ALKBH8: variants seen among roughly 807,000 people sequenced by gnomAD.
ALKBH8 encodes the protein tRNA (carboxymethyluridine(34)-5-O)-methyltransferase ALKBH8.
A neutral mutation model predicts 59.8 loss-of-function variants in ALKBH8; 36 were observed. That is an observed-to-expected ratio of 0.60 (90% CI 0.46 to 0.79). The LOEUF (loss-of-function observed/expected upper bound fraction) is 0.79, where lower values mean the gene tolerates loss of function less well. Among genes scored for constraint, ALKBH8 ranks in the 30% least tolerant of loss-of-function variants. The pLI is 0.00. For missense variants in ALKBH8, 768 were observed against 801.0 expected (o/e 0.96, Z 0.50); for synonymous variants, 276 against 273.6 (o/e 1.01, Z -0.09).
intron 9 of ALKBH8, 141 bp downstream of exon 9, chr11:107,525,300 T>C: frequency 1.5e-6 from 1 of 661,354 alleles, no homozygotes; most frequent in Non-Finnish European, 2.3e-6. Context: ...GAAAAGTGCA[T>C]GAAAGTGCAA....
At chr11:107,558,785 T>C (rs1864815798) in intron 2 of ALKBH8, among the ~76,000 whole-genome samples, 1 of 152,232 alleles carries the variant, frequency 6.6e-6, no homozygotes, top group Non-Finnish European at 1.5e-5. Context: ...ATTTTCTAAA[T>C]AAGGAGGAGT....
chr11:107,558,383 A>T (rs543100377), intron 2 of ALKBH8, among the ~76,000 whole-genome samples: 79 of 152,250 alleles, frequency 5.2e-4, no homozygotes, highest in Non-Finnish European at 6.2e-4. Context: ...GGAGTCTCAG[A>T]TGGCTTGCCC....
At chr11:107,526,457 TGTTA>T (rs1400815091) in intron 8 of ALKBH8, among the ~76,000 whole-genome samples, 1 of 151,974 alleles carries the variant, frequency 6.6e-6, no homozygotes, top group Admixed American at 6.6e-5. Context: ...CCCAATTCCT[TGTTA>T]GATACAGATA....
chr11:107,527,428 G>A (rs552596717), intron 8 of ALKBH8, among the ~76,000 whole-genome samples: 1 of 151,984 alleles, frequency 6.6e-6, no homozygotes, highest in Admixed American at 6.5e-5. Context: ...GAGAAACGTC[G>A]ACCTAAGATG....
At position 107,529,735 on chromosome 11, in the gene ALKBH8, C is replaced by T. The variant is rs111965299; in HGVS notation, c.878+2565G>A. 5.1e-3 allele frequency among the ~76,000 whole-genome samples: 780 copies of T among 152,016 alleles called. 5 individuals are homozygous for T. The highest frequency in any genetic ancestry group is 0.018 in the African/African-American group (738 of 41,336). The stretch of plus-strand genomic sequence containing the variant: ...GGCCAGTCTGGTCTCGGACTCCTGA[C>T]CTGTGATCCACCCGCCTTGGCCTCC... On this transcript the variant is annotated intron_variant, in intron 8 of 11. Coordinates refer to ENST00000428149, the MANE Select transcript of ALKBH8 (RefSeq NM_138775.3).
chr11:107,556,811 C>T lies in ALKBH8; in HGVS notation c.322G>A (p.Asp108Asn). 6.8e-7 allele frequency: 1 copy of T among 1,466,704 alleles called. No homozygotes were observed. Among genetic ancestry groups the T allele is most frequent in the African/African-American group, 1.4e-5 (1 of 69,066 alleles). 90.9% of individuals were successfully genotyped at this position (1,466,704 alleles called of 1,614,324 possible). A position where few individuals can be genotyped will look rare whatever the true frequency, so the allele number is the denominator to read the frequency against. ...TACAGAGTGATCTTTTGTCCTAAAT[C>T]ATCCACTACTTCTTTTCCATTGAGG... ...VTLNGKEVVD[D>N]LGQKITLYLN... The change falls in exon 3 of 12, where the codon GAT becomes AAT. Residue 108 changes from aspartate (D) to asparagine (N), a missense_variant. Asp to Asn is a conservative substitution (Grantham distance 23). Coordinates refer to ENST00000428149, the MANE Select transcript of ALKBH8 (RefSeq NM_138775.3).
intron 7 of ALKBH8, among the ~76,000 whole-genome samples, chr11:107,542,058 A>G (rs1334864736): frequency 1.3e-5 from 2 of 152,144 alleles, no homozygotes; most frequent in Non-Finnish European, 2.9e-5. Flanking sequence ...GCATGGAGAG[A>G]CAAAAGATAG....
chr11:107,530,984 T>C (rs1462988151), intron 8 of ALKBH8, among the ~76,000 whole-genome samples: 1 of 152,168 alleles, frequency 6.6e-6, no homozygotes, highest in Non-Finnish European at 1.5e-5. Context: ...GTTTAAACAT[T>C]AGTGATAGCA....
chr11:107,517,078 G>A (rs543548625), intron 10 of ALKBH8, among the ~76,000 whole-genome samples: 2 of 151,998 alleles, frequency 1.3e-5, no homozygotes, highest in Admixed American at 1.3e-4. Context: ...AGAACTCAAA[G>A]AACTGTATGG....
chr11:107,520,736 A>G (rs2135496544), intron 10 of ALKBH8, among the ~76,000 whole-genome samples: 1 of 152,294 alleles, frequency 6.6e-6, no homozygotes, highest in East Asian at 1.9e-4. Context: ...CATGGTAACA[A>G]TATATGAATA....
chr11:107,512,822 T>C (rs775828837), intron 10 of ALKBH8, among the ~76,000 whole-genome samples: 6 of 152,218 alleles, frequency 3.9e-5, no homozygotes, highest in Admixed American at 2.0e-4. Flanking sequence ...TGAATGCTCA[T>C]ATCAAAACAT....
intron 7 of ALKBH8, among the ~76,000 whole-genome samples, chr11:107,544,739 A>T (rs551409161): frequency 6.6e-6 from 1 of 151,936 alleles, no homozygotes; most frequent in East Asian, 1.9e-4. Context: ...CCCACATGAG[A>T]ATTACACTCT....
chr11:107,504,960 C>T lies in ALKBH8; in HGVS notation c.1693G>A (p.Glu565Lys), dbSNP rs537250015. Reference sequence around the variant, plus strand: ...ACTTGCCTTGAATTACATCCTCCTTCCTGAGAGTCATTAATGCGGGGGACA... The same window carrying T: ...ACTTGCCTTGAATTACATCCTCCTTTCTGAGAGTCATTAATGCGGGGGACA... ...SSVPRINDSQ[E>K]GGCNSRQVSN... The change falls in exon 12 of 12, where the codon GAA (glutamate) becomes AAA (lysine). Residue 565 changes from glutamate to lysine, a missense_variant. Glu to Lys is a moderately conservative substitution (Grantham distance 56). Transcript: ENST00000428149. The T allele has an allele frequency of 1.6e-5, 25 of 1,551,848 alleles. No individual in the cohort carries two copies. The African/African-American group carries it at 2.9e-4, about 18-fold the overall frequency.
Position 107,504,828 on chromosome 11 carries a change from C to T in ALKBH8, c.1825G>A (p.Glu609Lys). The change falls in exon 12 of 12, where the codon GAG becomes AAG. Residue 609 changes from glutamate to lysine, a missense_variant. Physicochemically the swap from Glu to Lys is moderately conservative, Grantham distance 56. Coordinates refer to ENST00000428149, the MANE Select transcript of ALKBH8 (RefSeq NM_138775.3). ...KGNPDKGKPV[E>K]PFGPIGSQDP... ...TGGGATCCTATGGGACCAAATGGCT[C>T]AACAGGTTTGCCTTTATCAGGATTT... is the stretch of plus-strand genomic sequence containing the variant. 1 of 1,551,734 alleles carries T rather than the reference C, an allele frequency of 6.4e-7. No individual in the cohort carries two copies. Among genetic ancestry groups the T allele is most frequent in the Non-Finnish European group, 8.7e-7 (1 of 1,146,988 alleles).
Position 107,522,473 on chromosome 11 carries a change from C to G in ALKBH8, c.1113G>C (p.Glu371Asp). 1 of 1,551,740 alleles carries G rather than the reference C, an allele frequency of 6.4e-7. No homozygotes were observed. The highest frequency in any genetic ancestry group is 2.0e-5 in the Admixed American group (1 of 51,004). ...PESDKEASRLEQEYVHQVYEE... is the reference protein window; with the variant it reads ...PESDKEASRLDQEYVHQVYEE... The stretch of plus-strand genomic sequence containing the variant: ...CATAAACCTGATGGACGTACTCTTG[C>G]TCCAGCCGTGAGGCTTCTTTATCAC... The change falls in exon 10 of 12, where the codon GAG becomes GAC. Residue 371 changes from glutamate (E) to aspartate (D), a missense_variant. Coordinates refer to ENST00000428149, the MANE Select transcript of ALKBH8 (RefSeq NM_138775.3).
In ALKBH8 at chr11:107,504,459, G is replaced by A. The variant is rs1862290175; in HGVS notation, c.*199C>T. On this transcript the variant is annotated 3_prime_UTR_variant, in exon 12 of 12. Transcript: ENST00000428149. ...CACCTCTCCTAGGGAAGTAGGAGGA[G>A]CCAACACCACATCTGTGATGTCAGC... 2.8e-6 allele frequency: 2 copies of A among 706,782 alleles called. No individual in the cohort carries two copies. Among genetic ancestry groups the A allele is most frequent in the African/African-American group, 1.8e-5 (1 of 56,032 alleles). The allele number at this position is 706,782 out of a possible 1,614,324, so 43.8% of individuals were successfully genotyped here.
At chr11:107,555,606 T>C (rs560573437) in intron 3 of ALKBH8, among the ~76,000 whole-genome samples, 37 of 152,196 alleles carry the variant, frequency 2.4e-4, no homozygotes, top group Non-Finnish European at 5.4e-4. Context: ...CTGAGAAATA[T>C]AGTTTCTAAA....
intron 2 of ALKBH8, among the ~76,000 whole-genome samples, chr11:107,557,952 A>C (rs1864783542): frequency 6.6e-6 from 1 of 152,206 alleles, no homozygotes; most frequent in African/African-American, 2.4e-5. Context: ...ACTCTCATCA[A>C]TTTCTTCATT....
rs1347417276 is a variant in ALKBH8, at chr11:107,565,714, C to T, written c.-120G>A. 2.6e-6 allele frequency: 4 copies of T among 1,526,338 alleles called. No individual in the cohort carries two copies. Among genetic ancestry groups the T allele is most frequent in the African/African-American group, 1.4e-5 (1 of 72,860 alleles). 94.5% of individuals were successfully genotyped at this position (1,526,338 alleles called of 1,614,324 possible). A position where few individuals can be genotyped will look rare whatever the true frequency, so the allele number is the denominator to read the frequency against. On this transcript the variant is annotated 5_prime_UTR_variant, in exon 1 of 12. Coordinates refer to ENST00000428149, the MANE Select transcript of ALKBH8 (RefSeq NM_138775.3). ...ATACTTGCACGCCATCTCCCCTGGG[C>T]GCGGCCATGTTGGAGAAAACTGCAC...
Sources: gnomAD v4.1 joint callset for allele counts (sites outside exome capture counted in the v4.1 genomes callset) on GRCh38, gnomAD v4.1.1 for gene constraint, MANE v1.5 for transcripts, NCBI Gene and HGNC (gene_info 2026-07-23, HGNC 2026-07-21) for gene names.